EVC2: variants seen among roughly 807,000 people sequenced by gnomAD.
EVC2 encodes limbin.
EVC2 carries 148 observed loss-of-function variants against 149.3 expected under a neutral mutation model. The ratio of observed to expected loss-of-function variants is 0.99; its 90% CI spans 0.87 to 1.14. The LOEUF (loss-of-function observed/expected upper bound fraction) is 1.14. Among genes scored for constraint, EVC2 ranks in the 50% most tolerant of loss-of-function variants. The pLI is 0.00. For missense variants in EVC2, 1,854 were observed against 1,627.3 expected (o/e 1.14, Z -2.40); for synonymous variants, 776 against 649.9 (o/e 1.19, Z -2.95).
intron 16 of EVC2, among the ~76,000 whole-genome samples, chr4:5,612,994 G>T (rs1714971892): frequency 6.6e-6 from 1 of 151,772 alleles, no homozygotes; most frequent in Admixed American, 6.6e-5. Flanking sequence ...GTAGGGGCCA[G>T]GGAGGGGTTA....
intron 11 of EVC2, 125 bp downstream of exon 11, chr4:5,631,668 A>G (rs940093091): frequency 2.3e-6 from 3 of 1,322,226 alleles, no homozygotes; most frequent in Non-Finnish European, 3.1e-6. Context: ...ACACCAAGAG[A>G]TAGAAGAGAA....
At chr4:5,668,675 T>C (rs1333214334) in intron 7 of EVC2, among the ~76,000 whole-genome samples, 1 of 152,234 alleles carries the variant, frequency 6.6e-6, no homozygotes, top group Non-Finnish European at 1.5e-5. Context: ...AGCAATCTGT[T>C]TTCAAGATTT....
intron 21 of EVC2, among the ~76,000 whole-genome samples, chr4:5,551,125 C>G (rs1721728031): frequency 6.6e-6 from 1 of 152,028 alleles, no homozygotes; most frequent in African/African-American, 2.4e-5. Context: ...ACACAGAGTC[C>G]CTACTGGGGC....
chr4:5,673,619 G>A (rs16835088), intron 7 of EVC2, among the ~76,000 whole-genome samples: 51,947 of 152,024 alleles, frequency 0.34, 9,661 homozygotes, highest in East Asian at 0.48. Context: ...AATCATCCAC[G>A]ATTACCACCC....
upstream of EVC2, chr4:5,708,860 T>G: frequency 4.6e-6 from 1 of 216,112 alleles, no homozygotes; most frequent in Non-Finnish European, 9.1e-6. Flanking sequence ...CAGACGCACT[T>G]CCCCTGGGAA....
At position 5,576,150 on chromosome 4, in the gene EVC2, G is replaced by A. The variant is rs941657231; in HGVS notation, c.3272+90C>T. On this transcript the variant is annotated intron_variant, in intron 18 of 21. Transcript: ENST00000344408. This position sits in a 1 kb window ranked among gnomAD's most constrained non-coding sequence, Gnocchi z 4.5. ...CTTAGGCAAGAGGGTGAGAGCCCAG[G>A]TGGGTATGGGTGGGCTGAGTTGGAG... 5.6e-5 allele frequency: 90 copies of A among 1,602,734 alleles called. No homozygotes were observed. The highest frequency in any genetic ancestry group is 1.7e-4 in the Middle Eastern group (1 of 5,796).
intron 16 of EVC2, among the ~76,000 whole-genome samples, chr4:5,608,647 C>T (rs1714584219): frequency 6.6e-6 from 1 of 152,100 alleles, no homozygotes; most frequent in Non-Finnish European, 1.5e-5. Context: ...AATTCTCCTG[C>T]CTCAGTCTCC....
chr4:5,583,157 T>C (rs1711955516), intron 17 of EVC2, among the ~76,000 whole-genome samples: 1 of 152,240 alleles, frequency 6.6e-6, no homozygotes, highest in Non-Finnish European at 1.5e-5. Flanking sequence ...CAGGTGAATT[T>C]TGTAAATGGA....
intron 11 of EVC2, among the ~76,000 whole-genome samples, 190 bp downstream of exon 11, chr4:5,631,603 C>T (rs1270658791): frequency 1.3e-5 from 2 of 151,978 alleles, no homozygotes; most frequent in Non-Finnish European, 2.9e-5. Flanking sequence ...CAGGTCAGCC[C>T]GAGTTCAAGG....
At chr4:5,649,343 G>A (rs1166019596) in intron 9 of EVC2, among the ~76,000 whole-genome samples, 2 of 152,108 alleles carry the variant, frequency 1.3e-5, no homozygotes, top group Non-Finnish European at 2.9e-5. Flanking sequence ...TTAGAACCAC[G>A]CCCAGCACAC....
intron 21 of EVC2, among the ~76,000 whole-genome samples, chr4:5,554,193 C>T (rs1006367194): frequency 6.6e-6 from 1 of 152,000 alleles, no homozygotes; most frequent in African/African-American, 2.4e-5. Flanking sequence ...TTTCTTGGAC[C>T]CATCCGAGAA....
At chr4:5,672,622 A>C (rs923092020) in intron 7 of EVC2, among the ~76,000 whole-genome samples, 4 of 152,222 alleles carry the variant, frequency 2.6e-5, no homozygotes, top group Non-Finnish European at 5.9e-5. Flanking sequence ...TCTGAGAGGC[A>C]ATAGGTTAAA....
intron 9 of EVC2, among the ~76,000 whole-genome samples, chr4:5,644,593 G>A (rs148195638): frequency 7.6e-4 from 115 of 152,240 alleles, no homozygotes; most frequent in Middle Eastern, 3.4e-3. Flanking sequence ...GTGAGCCACC[G>A]TGTCTGGCCA....
chr4:5,589,205 T>C (rs1712567615), intron 16 of EVC2, among the ~76,000 whole-genome samples: 2 of 152,220 alleles, frequency 1.3e-5, no homozygotes, highest in South Asian at 2.1e-4. Context: ...TTTTAAGCTC[T>C]TTTATGTGGG....
chr4:5,614,842 T>C lies in EVC2; in HGVS notation c.2829+580A>G, dbSNP rs1181714373. Reference sequence around the variant, plus strand: ...AAAATACAAAAATTAGCAGGTGTGATGGTGGGTGCCTGTAATCCCAGCTAC... The same window carrying C: ...AAAATACAAAAATTAGCAGGTGTGACGGTGGGTGCCTGTAATCCCAGCTAC... On this transcript the variant is annotated intron_variant, in intron 16 of 21. Coordinates refer to ENST00000344408, the MANE Select transcript of EVC2 (RefSeq NM_147127.5). The surrounding 1 kb of genome is among the most constrained non-coding windows in gnomAD (Gnocchi z 4.7). 1.3e-5 allele frequency among the ~76,000 whole-genome samples: 2 copies of C among 151,636 alleles called. No individual in the cohort carries two copies. The highest frequency in any genetic ancestry group is 4.9e-5 in the African/African-American group (2 of 41,154).
Position 5,622,844 on chromosome 4 carries a change from C to A in EVC2, c.2194G>T (p.Ala732Ser), listed in dbSNP as rs767405733. 4.3e-6 allele frequency: 7 copies of A among 1,614,006 alleles called. No homozygotes were observed. Among genetic ancestry groups the A allele is most frequent in the Non-Finnish European group, 4.2e-6 (5 of 1,180,040 alleles). Reference protein sequence around the residue: ...EELQERLDQAALDDLRTLTLS... With the variant: ...EELQERLDQASLDDLRTLTLS... ...GTCAGGGTCCTGAGATCGTCCAGGG[C>A]GGCCTGGTCCAGACGCTCCTGCAGC... The change falls in exon 14 of 22, where the codon GCC (alanine) becomes TCC (serine). Residue 732 changes from alanine to serine, a missense_variant. Ala to Ser is a moderately conservative substitution (Grantham distance 99, BLOSUM62 1). Transcript: ENST00000344408. The surrounding 1 kb of genome is among the most constrained non-coding windows in gnomAD (Gnocchi z 5.8).
rs1459328556 is a variant in EVC2, at chr4:5,637,697, G to T, written c.1470+2817C>A. ...TATGCTGGCAACTGAGGGCAGGTGT[G>T]AAGGCTGCCTGAGCCATCCCTGTAT... On this transcript the variant is annotated intron_variant, in intron 10 of 21. Coordinates refer to ENST00000344408, the MANE Select transcript of EVC2 (RefSeq NM_147127.5). The surrounding 1 kb of genome is among the most constrained non-coding windows in gnomAD (Gnocchi z 4.4). Among the ~76,000 whole-genome samples, 1 of 152,132 alleles carries T rather than the reference G, an allele frequency of 6.6e-6. No individual in the cohort carries two copies. Among genetic ancestry groups the T allele is most frequent in the Non-Finnish European group, 1.5e-5 (1 of 68,034 alleles).
At chr4:5,571,332 A>AG (rs1486819973) in intron 19 of EVC2, among the ~76,000 whole-genome samples, 1 of 150,968 alleles carries the variant, frequency 6.6e-6, no homozygotes, top group Non-Finnish European at 1.5e-5. Flanking sequence ...AAAAAAAAAA[A>AG]AAAAAGACTA....
intron 16 of EVC2, among the ~76,000 whole-genome samples, chr4:5,602,578 C>T (rs1008966491): frequency 4.7e-5 from 7 of 149,718 alleles, no homozygotes; most frequent in Non-Finnish European, 8.9e-5. Flanking sequence ...AAATAGTTTC[C>T]TAAGGAAACT....
Sources: gnomAD v4.1 joint callset for allele counts (sites outside exome capture counted in the v4.1 genomes callset) on GRCh38, gnomAD v4.1.1 for gene constraint, Gnocchi (gnomAD v3.1) non-coding constraint, MANE v1.5 for transcripts, NCBI Gene and HGNC (gene_info 2026-07-23, HGNC 2026-07-21) for gene names.